CDH11: variants seen among roughly 807,000 people sequenced by gnomAD.
The protein encoded by CDH11 is cadherin 11.
CDH11 carries 11 observed loss-of-function variants against 67.8 expected under a neutral mutation model. The observed-to-expected ratio is 0.16, with a 90% confidence interval of 0.10 to 0.27. The LOEUF is 0.27. CDH11 is among the 10% of genes least tolerant of loss of function. The probability of loss-of-function intolerance (pLI) is 1.00; values close to 1 mark genes in which losing one functional copy is unlikely to be tolerated. For synonymous variants in CDH11, 419 were observed against 400.0 expected (o/e 1.05, Z -0.57); for missense variants, 847 against 1,031.2 (o/e 0.82, Z 2.45).
At chr16:65,010,986 TAC>T (rs1263102930) in intron 2 of CDH11, among the ~76,000 whole-genome samples, 3 of 142,226 alleles carry the variant, frequency 2.1e-5, no homozygotes, top group African/African-American at 5.0e-5. Flanking sequence ...TATATATATA[TAC>T]ACACACATAT....
chr16:65,015,875 G>A (rs1372883725), intron 2 of CDH11, among the ~76,000 whole-genome samples: 2 of 152,164 alleles, frequency 1.3e-5, no homozygotes, highest in African/African-American at 4.8e-5. Context: ...CCAGGGAAGA[G>A]TGCCTTAAAT....
At chr16:65,114,282 G>A (rs1290028441) in intron 1 of CDH11, among the ~76,000 whole-genome samples, 3 of 152,118 alleles carry the variant, frequency 2.0e-5, no homozygotes, top group African/African-American at 7.2e-5. Context: ...TTGAGATTTT[G>A]TAGGAGCTGA....
At chr16:65,011,115 A>G (rs112088101) in intron 2 of CDH11, among the ~76,000 whole-genome samples, 1 of 134,460 alleles carries the variant, frequency 7.4e-6, no homozygotes, top group Non-Finnish European at 1.6e-5. Context: ...ATATATATAC[A>G]TACACACACA....
chr16:64,948,735 A>T (rs2071264724), intron 12 of CDH11: 1 of 1,603,804 alleles, frequency 6.2e-7, no homozygotes, highest in Middle Eastern at 1.7e-4. Context: ...AGCCCAGATA[A>T]AGCAATCTCA....
intron 8 of CDH11, among the ~76,000 whole-genome samples, chr16:64,975,052 G>A (rs1158297599): frequency 6.6e-6 from 1 of 152,176 alleles, no homozygotes; most frequent in African/African-American, 2.4e-5. Flanking sequence ...CTGGGCTCAA[G>A]TCATCCTTCT....
chr16:64,947,625 T>C lies in CDH11; in HGVS notation c.2369A>G (p.Asp790Gly). The change falls in exon 13 of 13, where the codon GAC becomes GGC. Residue 790 changes from aspartate (D) to glycine (G), a missense_variant. Asp to Gly is a moderately conservative substitution (Grantham distance 94). This residue lies in a region of CDH11 where 612 missense variants were observed against 678.7 expected (regional missense o/e 0.90). Transcript: ENST00000268603. Reference sequence around the variant, plus strand: ...TTGTTAAGAATCGTCATCAAAAGTGTCTTTGGAACCATACAAATCTGCTAG... The same window carrying C: ...TTGTTAAGAATCGTCATCAAAAGTGCCTTTGGAACCATACAAATCTGCTAG... Reference protein sequence around the residue: ...KKLADLYGSKDTFDDDS With the variant: ...KKLADLYGSKGTFDDDS 1 of 1,609,504 alleles carries C rather than the reference T, an allele frequency of 6.2e-7. No individual in the cohort carries two copies. Among genetic ancestry groups the C allele is most frequent in the South Asian group, 1.1e-5 (1 of 90,974 alleles).
intron 8 of CDH11, among the ~76,000 whole-genome samples, chr16:64,975,346 A>T (rs1337997997): frequency 6.6e-6 from 1 of 152,212 alleles, no homozygotes; most frequent in African/African-American, 2.4e-5. Context: ...AGAGGAGCAA[A>T]TAAAAGAACG....
intron 2 of CDH11, among the ~76,000 whole-genome samples, chr16:65,049,460 C>T (rs998565926): frequency 6.6e-6 from 1 of 152,110 alleles, no homozygotes; most frequent in African/African-American, 2.4e-5. Context: ...ATGAAAGAAT[C>T]ATGACCCCTG....
intron 11 of CDH11, among the ~76,000 whole-genome samples, chr16:64,953,427 G>A (rs1042365227): frequency 6.6e-6 from 1 of 151,900 alleles, no homozygotes; most frequent in Non-Finnish European, 1.5e-5. Context: ...GTCCTTCACT[G>A]CCAACATTTC....
chr16:65,100,692 C>T (rs1453660279), intron 1 of CDH11, among the ~76,000 whole-genome samples: 34 of 148,890 alleles, frequency 2.3e-4, no homozygotes, highest in South Asian at 1.1e-3. Context: ...GAGCTGAGAT[C>T]GCGCCACTGC....
intron 1 of CDH11, among the ~76,000 whole-genome samples, chr16:65,054,627 A>G (rs1567551597): frequency 6.6e-6 from 1 of 152,186 alleles, no homozygotes. Flanking sequence ...TGTTCAATGC[A>G]TATTTGTTGA....
chr16:65,017,209 C>T (rs1191813558), intron 2 of CDH11, among the ~76,000 whole-genome samples: 2 of 152,148 alleles, frequency 1.3e-5, no homozygotes, highest in Non-Finnish European at 2.9e-5. Context: ...AACCTCCTGG[C>T]AATGCAGCCT....
chr16:65,059,466 C>T (rs539797022), intron 1 of CDH11: 3 of 152,292 alleles, frequency 2.0e-5, no homozygotes, highest in South Asian at 2.1e-4. Flanking sequence ...TTTTCCAAAG[C>T]GCCGATGGAC....
chr16:65,094,090 G>A (rs973981993), intron 1 of CDH11, among the ~76,000 whole-genome samples: 5 of 152,300 alleles, frequency 3.3e-5, no homozygotes, highest in South Asian at 4.1e-4. Context: ...AAGAGAAGTC[G>A]AATGGCCTTC....
intron 1 of CDH11, among the ~76,000 whole-genome samples, chr16:65,056,350 A>T (rs1360810952): frequency 6.6e-6 from 1 of 152,124 alleles, no homozygotes; most frequent in Non-Finnish European, 1.5e-5. Context: ...CATCTTGGAC[A>T]CCTAATACAT....
At chr16:65,057,658 A>C (rs986247698) in intron 1 of CDH11, among the ~76,000 whole-genome samples, 3 of 151,978 alleles carry the variant, frequency 2.0e-5, no homozygotes, top group Admixed American at 2.0e-4. Context: ...TCCTTTTTCC[A>C]CTTTCCCTCT....
chr16:64,973,915 A>G (rs1236023886), intron 8 of CDH11, among the ~76,000 whole-genome samples: 3 of 152,130 alleles, frequency 2.0e-5, no homozygotes, highest in Admixed American at 2.0e-4. Flanking sequence ...CCAGCGTGTA[A>G]TGTACAAAGT....
At chr16:65,007,516 C>T (rs552390334) in intron 2 of CDH11, among the ~76,000 whole-genome samples, 1 of 152,246 alleles carries the variant, frequency 6.6e-6, no homozygotes, top group African/African-American at 2.4e-5. Context: ...GGAAAGAGCA[C>T]AAAGAAGGCC....
At chr16:65,107,212 T>C (rs2075079904) in intron 1 of CDH11, among the ~76,000 whole-genome samples, 1 of 152,218 alleles carries the variant, frequency 6.6e-6, no homozygotes, top group African/African-American at 2.4e-5. Context: ...GCCCTGCTCA[T>C]CCACTTATTA....
Sources: gnomAD v4.1 joint callset for allele counts (sites outside exome capture counted in the v4.1 genomes callset) on GRCh38, gnomAD v4.1.1 for gene constraint, gnomAD v4.1.1 regional missense constraint, MANE v1.5 for transcripts, NCBI Gene and HGNC (gene_info 2026-07-23, HGNC 2026-07-21) for gene names.